SUPT3H: variants seen among roughly 807,000 people sequenced by gnomAD.
SUPT3H encodes the protein transcription initiation protein SPT3 homolog.
A neutral mutation model predicts 44.3 loss-of-function variants in SUPT3H; 44 were observed. That is an observed-to-expected ratio of 0.99 (90% CI 0.78 to 1.28). The LOEUF (loss-of-function observed/expected upper bound fraction) is 1.28. Among genes scored for constraint, SUPT3H ranks in the 50% most tolerant of loss-of-function variants. The pLI is 0.00. For missense variants in SUPT3H, 380 were observed against 387.1 expected (o/e 0.98, Z 0.15); for synonymous variants, 124 against 125.6 (o/e 0.99, Z 0.09).
rs543485805 is a variant in SUPT3H at position 45,095,203 on chromosome 6, T to C, written c.186+10719A>G. On this transcript the variant is annotated intron_variant, in intron 3 of 10. Coordinates refer to ENST00000371459, the MANE Select transcript of SUPT3H (RefSeq NM_003599.4). This position sits in a 1 kb window ranked among gnomAD's most constrained non-coding sequence, Gnocchi z 4.1. ...CATCCTATGATTCATTAGGTCCCCA[T>C]GGTACCTCTGCTTCCTTTATTTTAT... Among the ~76,000 whole-genome samples the C allele has an allele frequency of 5.3e-5, 8 of 152,292 alleles. No homozygotes were observed. The highest frequency in any genetic ancestry group is 1.7e-4 in the African/African-American group (7 of 41,574).
chr6:45,313,794 AAGCCAGCGTC>A (rs1225038534), intron 2 of SUPT3H, among the ~76,000 whole-genome samples: 130 of 152,308 alleles, frequency 8.5e-4, no homozygotes, highest in Non-Finnish European at 1.9e-4. Context: ...CCATTCTATG[AAGCCAGCGTC>A]ACCCTAATAA....
chr6:45,232,025 C>T (rs968108631), intron 2 of SUPT3H, among the ~76,000 whole-genome samples: 4 of 152,108 alleles, frequency 2.6e-5, no homozygotes, highest in African/African-American at 7.2e-5. Context: ...TCTTGTATCT[C>T]TCTGAGCATT....
intron 9 of SUPT3H, among the ~76,000 whole-genome samples, chr6:44,941,783 A>G (rs1186242178): frequency 6.6e-6 from 1 of 152,190 alleles, no homozygotes; most frequent in Non-Finnish European, 1.5e-5. Context: ...TAATACACGT[A>G]GTGAGTGTAG....
intron 10 of SUPT3H, among the ~76,000 whole-genome samples, chr6:44,864,595 C>A (rs1163418687): frequency 6.6e-6 from 1 of 152,226 alleles, no homozygotes; most frequent in Non-Finnish European, 1.5e-5. Flanking sequence ...AGGCTCAACA[C>A]CACGTGGCAG....
At chr6:45,175,582 G>A (rs553469025) in intron 2 of SUPT3H, among the ~76,000 whole-genome samples, 2 of 152,196 alleles carry the variant, frequency 1.3e-5, no homozygotes, top group African/African-American at 4.8e-5. Flanking sequence ...AGAGGTTTGG[G>A]TCTTTCACCG....
At chr6:44,847,250 C>T (rs1772031028) in intron 10 of SUPT3H, among the ~76,000 whole-genome samples, 2 of 152,120 alleles carry the variant, frequency 1.3e-5, no homozygotes, top group Admixed American at 1.3e-4. Context: ...TAGAAATGAC[C>T]TGAGACTACA....
intron 10 of SUPT3H, among the ~76,000 whole-genome samples, chr6:44,932,371 G>A (rs1411768864): frequency 1.3e-5 from 2 of 152,122 alleles, no homozygotes; most frequent in South Asian, 2.1e-4. Flanking sequence ...TGAGAATAAC[G>A]TTTTATAAAC....
chr6:44,962,580 A>AT (rs1365639492), intron 6 of SUPT3H, among the ~76,000 whole-genome samples: 2 of 7,316 alleles, frequency 2.7e-4, no homozygotes, highest in East Asian at 0.019. Flanking sequence ...CCTGAGATTT[A>AT]ATTTTTTTTT....
chr6:45,165,377 G>C (rs1281081283), intron 2 of SUPT3H, among the ~76,000 whole-genome samples: 1 of 152,174 alleles, frequency 6.6e-6, no homozygotes, highest in Non-Finnish European at 1.5e-5. Context: ...GTTAGCAGAA[G>C]AAATGTGCCT....
chr6:44,815,161 T>C (rs1766825889), intron 11 of SUPT3H, among the ~76,000 whole-genome samples: 1 of 152,214 alleles, frequency 6.6e-6, no homozygotes, highest in Non-Finnish European at 1.5e-5. Flanking sequence ...CTAATTCTAA[T>C]TGCATTCTTT....
At chr6:45,027,120 G>T (rs951439468) in intron 3 of SUPT3H, among the ~76,000 whole-genome samples, 1 of 151,090 alleles carries the variant, frequency 6.6e-6, no homozygotes, top group Admixed American at 6.6e-5. Flanking sequence ...CTCCTGAGTA[G>T]CTGGGACTAT....
chr6:45,110,381 T>C (rs1034173516), intron 2 of SUPT3H, among the ~76,000 whole-genome samples: 2 of 152,166 alleles, frequency 1.3e-5, no homozygotes, highest in African/African-American at 4.8e-5. Context: ...GGATACTGTT[T>C]TAAAAAGACA....
At chr6:44,894,894 A>G (rs1561986813) in intron 10 of SUPT3H, among the ~76,000 whole-genome samples, 2 of 151,866 alleles carry the variant, frequency 1.3e-5, no homozygotes, top group East Asian at 3.9e-4. Context: ...CAATCTAATA[A>G]TTGAGCATTA....
At chr6:45,010,881 G>C (rs967258099) in intron 5 of SUPT3H, among the ~76,000 whole-genome samples, 1 of 152,102 alleles carries the variant, frequency 6.6e-6, no homozygotes, top group African/African-American at 2.4e-5. Flanking sequence ...TCAAGTTAAA[G>C]AGGTTTCCTT....
In SUPT3H at chr6:44,963,654, T is replaced by C. The variant is rs756178918; in HGVS notation, c.505-1826A>G. 2.2e-4 allele frequency among the ~76,000 whole-genome samples: 34 copies of C among 152,164 alleles called. 1 individual carries two copies. The highest frequency in any genetic ancestry group is 6.2e-4 in the South Asian group (3 of 4,826). ...ACATGACTCAATAAATGTTTCCTGA[T>C]GAAAATAGGAAGCAAGAAAGGGAGA... On this transcript the variant is annotated intron_variant, in intron 6 of 10. Coordinates refer to ENST00000371459, the MANE Select transcript of SUPT3H (RefSeq NM_003599.4).
At chr6:45,267,131 C>T (rs928430416) in intron 2 of SUPT3H, among the ~76,000 whole-genome samples, 4 of 152,110 alleles carry the variant, frequency 2.6e-5, no homozygotes, top group Middle Eastern at 3.2e-3. Flanking sequence ...GAAAAACAAA[C>T]TCAAAATCCA....
rs555104081 is a variant in SUPT3H, at chr6:45,353,910, T to C, written c.101+11291A>G. On this transcript the variant is annotated intron_variant, in intron 2 of 10. Coordinates refer to ENST00000371459, the MANE Select transcript of SUPT3H (RefSeq NM_003599.4). Reference sequence around the variant, plus strand: ...CCTTTAGTATATCAAAGGTCCTTAATAGGAAAAAAAAATACAGTAGAATTA... The same window carrying C: ...CCTTTAGTATATCAAAGGTCCTTAACAGGAAAAAAAAATACAGTAGAATTA... 7.5e-5 allele frequency among the ~76,000 whole-genome samples: 11 copies of C among 147,222 alleles called. No individual in the cohort carries two copies. In the South Asian group the frequency reaches 1.3e-3, roughly 17 times the overall value.
chr6:45,024,838 C>A (rs992753526), intron 3 of SUPT3H, among the ~76,000 whole-genome samples: 1 of 152,234 alleles, frequency 6.6e-6, no homozygotes, highest in East Asian at 1.9e-4. Context: ...ACAGAAAAGG[C>A]TGAGTAAGAG....
chr6:44,917,039 AGCT>A (rs1767922142), intron 10 of SUPT3H, among the ~76,000 whole-genome samples: 1 of 152,072 alleles, frequency 6.6e-6, no homozygotes, highest in Non-Finnish European at 1.5e-5. Context: ...CTGTAGTCCC[AGCT>A]ATTTGGGAGG....
Sources: gnomAD v4.1 joint callset for allele counts (sites outside exome capture counted in the v4.1 genomes callset) on GRCh38, gnomAD v4.1.1 for gene constraint, Gnocchi (gnomAD v3.1) non-coding constraint, MANE v1.5 for transcripts, NCBI Gene and HGNC (gene_info 2026-07-23, HGNC 2026-07-21) for gene names.